The following MAPK8 variants were observed in gnomAD, a reference collection of about 807,000 sequenced individuals.
MAPK8 encodes the protein mitogen-activated protein kinase 8, also known as JUN N-terminal kinase.
MAPK8 carries 13 observed loss-of-function variants against 52.9 expected under a neutral mutation model. The observed-to-expected ratio is 0.25, with a 90% CI of 0.16 to 0.39. The LOEUF is 0.39. MAPK8 is among the 10% of genes least tolerant of loss of function. The probability of loss-of-function intolerance (pLI) is 1.00; values close to 1 mark genes in which losing one functional copy is unlikely to be tolerated. For missense variants in MAPK8, 300 were observed against 519.2 expected (o/e 0.58, Z 4.10); for synonymous variants, 191 against 169.8 (o/e 1.12, Z -0.97).
At chr10:48,342,920 A>G (rs1364379107) in intron 1 of MAPK8, among the ~76,000 whole-genome samples, 1 of 152,202 alleles carries the variant, frequency 6.6e-6, no homozygotes, top group Non-Finnish European at 1.5e-5. Flanking sequence ...TGTGAATGAG[A>G]TTAGCCAGAG....
intron 6 of MAPK8, among the ~76,000 whole-genome samples, chr10:48,423,833 T>C (rs2043509289): frequency 6.6e-6 from 1 of 152,170 alleles, no homozygotes; most frequent in Admixed American, 6.5e-5. Context: ...GTTTTTCTAT[T>C]TATGCAATTT....
intron 1 of MAPK8, among the ~76,000 whole-genome samples, chr10:48,314,157 G>C (rs769363090): frequency 1.3e-5 from 2 of 152,178 alleles, no homozygotes; most frequent in African/African-American, 2.4e-5. Context: ...GGAAGTTCAA[G>C]ATTAGGCTAC....
At chr10:48,424,715 A>G (rs576952081) in intron 7 of MAPK8, 1 of 498,770 alleles carries the variant, frequency 2.0e-6, no homozygotes, top group East Asian at 3.2e-5. Flanking sequence ...AATACCACCT[A>G]CTATTTGACA....
chr10:48,409,561 C>A (rs1274673981), intron 3 of MAPK8, among the ~76,000 whole-genome samples: 1 of 152,058 alleles, frequency 6.6e-6, no homozygotes, highest in Admixed American at 6.6e-5. Context: ...TGGAAAAGAA[C>A]TGGTAGAAGG....
At chr10:48,376,586 T>C (rs540605288) in intron 1 of MAPK8, among the ~76,000 whole-genome samples, 7 of 152,244 alleles carry the variant, frequency 4.6e-5, no homozygotes, top group African/African-American at 1.7e-4. Context: ...AAGAGACACT[T>C]CTCAAAAGAA....
chr10:48,360,494 G>GA (rs1359954672), intron 1 of MAPK8, among the ~76,000 whole-genome samples: 1 of 152,126 alleles, frequency 6.6e-6, no homozygotes, highest in Non-Finnish European at 1.5e-5. Context: ...ATGTGTGGGG[G>GA]AGGCATCTAC....
chr10:48,370,936 A>G (rs188608411), intron 1 of MAPK8, among the ~76,000 whole-genome samples: 206 of 152,254 alleles, frequency 1.4e-3, no homozygotes, highest in African/African-American at 4.6e-3. Context: ...GACGCTATGT[A>G]CATTTAAGGA....
intron 3 of MAPK8, among the ~76,000 whole-genome samples, chr10:48,405,625 G>A (rs1378781448): frequency 6.6e-6 from 1 of 152,128 alleles, no homozygotes; most frequent in Admixed American, 6.5e-5. Context: ...CTTACATTAA[G>A]CTTATTCATA....
At chr10:48,400,180 T>C (rs1273368054) in intron 1 of MAPK8, among the ~76,000 whole-genome samples, 1 of 152,234 alleles carries the variant, frequency 6.6e-6, no homozygotes, top group African/African-American at 2.4e-5. Flanking sequence ...TTCTTTATTA[T>C]GGGCTGTCCA....
At chr10:48,339,469 G>A (rs892529176) in intron 1 of MAPK8, among the ~76,000 whole-genome samples, 7 of 152,106 alleles carry the variant, frequency 4.6e-5, no homozygotes, top group Admixed American at 1.3e-4. Context: ...AAGACCTCCA[G>A]CTATAAAAAT....
At chr10:48,370,683 A>G (rs1358513055) in intron 1 of MAPK8, among the ~76,000 whole-genome samples, 33 of 152,132 alleles carry the variant, frequency 2.2e-4, no homozygotes, top group Non-Finnish European at 1.0e-4. Flanking sequence ...ATTTGCCTGC[A>G]TTGCTGGAAG....
In MAPK8 at chr10:48,405,051, A is replaced by C. The variant is rs902503486; in HGVS notation, c.252+70A>C. 12 of 995,650 alleles carry C rather than the reference A, an allele frequency of 1.2e-5. No individual in the cohort carries two copies. In the African/African-American group the frequency reaches 2.0e-4, roughly 16 times the overall value. 61.7% of individuals were successfully genotyped at this position (995,650 alleles called of 1,614,324 possible). A position where few individuals can be genotyped will look rare whatever the true frequency, so the allele number is the denominator to read the frequency against. ...TTTATTCATGAATATGTGAATATCA[A>C]AGACTAAATATTAGGGGCTTTAAAT... is the stretch of plus-strand genomic sequence containing the variant. On this transcript the variant is annotated intron_variant, in intron 3 of 11. Coordinates refer to ENST00000374189, the MANE Select transcript of MAPK8 (RefSeq NM_001323329.2).
chr10:48,307,040 C>G (rs1841418921), intron 1 of MAPK8: 1 of 151,880 alleles, frequency 6.6e-6, no homozygotes, highest in South Asian at 2.1e-4. Context: ...GGGTGCGCTC[C>G]GCTGCCCGCC....
At chr10:48,434,503 C>T (rs537205701) in intron 11 of MAPK8, among the ~76,000 whole-genome samples, 49 of 152,084 alleles carry the variant, frequency 3.2e-4, no homozygotes, top group Non-Finnish European at 6.3e-4. Flanking sequence ...CTTTAAGATC[C>T]TCTGTCCAAA....
chr10:48,364,436 T>A (rs1450979794), intron 1 of MAPK8, among the ~76,000 whole-genome samples: 4 of 151,500 alleles, frequency 2.6e-5, no homozygotes, highest in Non-Finnish European at 5.9e-5. Flanking sequence ...CCTGAAAAAA[T>A]TTAAAAAAAA....
intron 1 of MAPK8, among the ~76,000 whole-genome samples, chr10:48,375,256 A>G (rs908701723): frequency 5.9e-5 from 9 of 152,212 alleles, no homozygotes; most frequent in African/African-American, 1.9e-4. Context: ...AATAAGAGCT[A>G]TTTATGACAA....
intron 10 of MAPK8, chr10:48,429,975 TAAA>T (rs1268440272): frequency 6.6e-6 from 1 of 152,236 alleles, no homozygotes; most frequent in African/African-American, 2.4e-5. Context: ...AAGAAGATGA[TAAA>T]TAGTGTTGAT....
chr10:48,403,960 T>TGTGTGTGTGTGTGTGTGTG (rs2042310009), intron 2 of MAPK8, among the ~76,000 whole-genome samples: 1 of 150,592 alleles, frequency 6.6e-6, no homozygotes, highest in African/African-American at 2.4e-5. Flanking sequence ...TGTGTGTGTA[T>TGTGTGTGTGTGTGTGTGTG]TTTTAGTAGA....
At position 48,435,071 on chromosome 10, in the gene MAPK8, T is replaced by C. The variant is rs755106527; in HGVS notation, c.*42T>C. ...GGGGTGGGAGGGATGGGGAGTCGGT[T>C]AGTCATTGATAGAACTACTTTGAAA... is the stretch of plus-strand genomic sequence containing the variant. On this transcript the variant is annotated 3_prime_UTR_variant, in exon 12 of 12. Transcript: ENST00000374189. 7.0e-7 allele frequency: 1 copy of C among 1,423,518 alleles called. No homozygotes were observed. Among genetic ancestry groups the C allele is most frequent in the East Asian group, 2.5e-5 (1 of 40,146 alleles). 88.2% of individuals were successfully genotyped at this position (1,423,518 alleles called of 1,614,324 possible).
Sources: gnomAD v4.1 joint callset for allele counts (sites outside exome capture counted in the v4.1 genomes callset) on GRCh38, gnomAD v4.1.1 for gene constraint, MANE v1.5 for transcripts, NCBI Gene and HGNC (gene_info 2026-07-23, HGNC 2026-07-21) for gene names.